PLAC8: variants seen among roughly 807,000 people sequenced by gnomAD.
PLAC8 encodes the protein placenta associated 8, also known as placenta-specific gene 8 protein.
A neutral mutation model predicts 12.6 loss-of-function variants in PLAC8; 6 were observed. That is an observed-to-expected ratio of 0.48 (90% CI 0.26 to 0.94). The LOEUF (loss-of-function observed/expected upper bound fraction) is 0.94. Among genes scored for constraint, PLAC8 ranks in the 40% least tolerant of loss-of-function variants. The pLI, the probability that PLAC8 is intolerant of heterozygous loss-of-function variation, is 0.14. For missense variants in PLAC8, 122 were observed against 152.7 expected (o/e 0.80, Z 1.06); for synonymous variants, 54 against 52.6 (o/e 1.03, Z -0.11).
intron 3 of PLAC8, among the ~76,000 whole-genome samples, chr4:83,098,069 G>T (rs1373621363): frequency 1.3e-5 from 2 of 152,068 alleles, no homozygotes; most frequent in Admixed American, 6.6e-5. Context: ...ATGTTGGCCA[G>T]GATTGTCCCA....
chr4:83,109,199 C>T (rs1435028584), intron 1 of PLAC8, among the ~76,000 whole-genome samples: 1 of 152,156 alleles, frequency 6.6e-6, no homozygotes, highest in Non-Finnish European at 1.5e-5. Flanking sequence ...TTCTGACCTA[C>T]CCACCTTACA....
intron 3 of PLAC8, among the ~76,000 whole-genome samples, chr4:83,096,450 A>G (rs1362816379): frequency 6.6e-6 from 1 of 152,264 alleles, no homozygotes; most frequent in Non-Finnish European, 1.5e-5. Flanking sequence ...CAAAATTTAA[A>G]TAAAAATTAA....
At chr4:83,100,281 A>G (rs1732063139) in intron 3 of PLAC8, among the ~76,000 whole-genome samples, 2 of 60,446 alleles carry the variant, frequency 3.3e-5, no homozygotes, top group African/African-American at 2.5e-4. Flanking sequence ...ACTCCATCTC[A>G]AAAAAAAAAA....
Position 83,094,670 on chromosome 4 carries a change from T to G in PLAC8, c.*9+8A>C. ...CATGTTCTGAGAGGCATGTTTGCAT[T>G]GACTCACCATCAGTTTTTAGAAAGT... On this transcript the variant is annotated splice_region_variant and intron_variant, in intron 4 of 4. Coordinates refer to ENST00000311507, the MANE Select transcript of PLAC8 (RefSeq NM_016619.3). The G allele has an allele frequency of 7.0e-7, 1 of 1,430,122 alleles. No individual in the cohort carries two copies. Among genetic ancestry groups the G allele is most frequent in the Non-Finnish European group, 9.8e-7 (1 of 1,022,476 alleles). 88.6% of individuals were successfully genotyped at this position (1,430,122 alleles called of 1,614,324 possible). A position where few individuals can be genotyped will look rare whatever the true frequency, so the allele number is the denominator to read the frequency against.
Position 83,104,950 on chromosome 4 carries a change from C to G in PLAC8, c.189G>C (p.Leu63=). Residue 63 remains leucine (L), a synonymous_variant, in exon 3 of 5, where the codon CTG becomes CTC. Coordinates refer to ENST00000311507, the MANE Select transcript of PLAC8 (RefSeq NM_016619.3). ...QVAADMNECC[L]CGTSVAMRTL... is the part of the protein sequence containing the mutation. ...TCCTCATTGCGACGCTTGTTCCACA[C>G]AGACAGCATTCATTCATATCAGCTG... is the stretch of plus-strand genomic sequence containing the variant. The G allele has an allele frequency of 4.3e-6, 7 of 1,614,120 alleles. No homozygotes were observed. Among genetic ancestry groups the G allele is most frequent in the East Asian group, 2.2e-5 (1 of 44,886 alleles).
chr4:83,097,430 T>C (rs1731967347), intron 3 of PLAC8, among the ~76,000 whole-genome samples: 1 of 152,182 alleles, frequency 6.6e-6, no homozygotes, highest in Non-Finnish European at 1.5e-5. Flanking sequence ...GTAAAATAAG[T>C]TGTCTTGAAA....
At chr4:83,112,524 G>A (rs1460615719) in intron 1 of PLAC8, among the ~76,000 whole-genome samples, 1 of 152,088 alleles carries the variant, frequency 6.6e-6, no homozygotes, top group Admixed American at 6.6e-5. Flanking sequence ...TACCTATATT[G>A]GTGGAGAAGT....
chr4:83,092,302 T>C (rs1731823283), intron 4 of PLAC8, among the ~76,000 whole-genome samples: 1 of 152,210 alleles, frequency 6.6e-6, no homozygotes, highest in Admixed American at 6.5e-5. Context: ...GTTGGAATGA[T>C]CTAACTCCCC....
intron 1 of PLAC8, among the ~76,000 whole-genome samples, chr4:83,113,845 C>T (rs1732476448): frequency 6.6e-6 from 1 of 152,050 alleles, no homozygotes; most frequent in African/African-American, 2.4e-5. Context: ...ATTTTAAACA[C>T]CTTAATTTTA....
chr4:83,095,826 G>GT (rs1731912619), intron 3 of PLAC8, among the ~76,000 whole-genome samples: 1 of 152,162 alleles, frequency 6.6e-6, no homozygotes. Context: ...TCGTTTCAGG[G>GT]TTTTGATAAA....
rs552081247 is a variant in PLAC8, at chr4:83,098,680, T to C, written c.244-3889A>G. Among the ~76,000 whole-genome samples the C allele has an allele frequency of 3.9e-5, 6 of 152,230 alleles. No homozygotes were observed. In the South Asian group the frequency reaches 1.2e-3, roughly 32 times the overall value. On this transcript the variant is annotated intron_variant, in intron 3 of 4. Coordinates refer to ENST00000311507, the MANE Select transcript of PLAC8 (RefSeq NM_016619.3). ...GAAGAGACAGATTCAGCTGGCTTCA[T>C]GCTATCTTCATTGAGTCTTGTTTGG...
chr4:83,097,765 A>G (rs1731979164), intron 3 of PLAC8, among the ~76,000 whole-genome samples: 1 of 152,138 alleles, frequency 6.6e-6, no homozygotes, highest in African/African-American at 2.4e-5. Context: ...TTTTACATAA[A>G]GGTGTGTAGG....
chr4:83,107,457 C>A (rs1309023062), intron 2 of PLAC8, among the ~76,000 whole-genome samples: 11 of 151,728 alleles, frequency 7.2e-5, no homozygotes, highest in Admixed American at 7.2e-4. Flanking sequence ...AAATCAAGTT[C>A]AACTTGGAAT....
intron 1 of PLAC8, among the ~76,000 whole-genome samples, chr4:83,114,345 G>T (rs1732484580): frequency 6.6e-6 from 1 of 152,194 alleles, no homozygotes; most frequent in Admixed American, 6.5e-5. Context: ...GAAATAAAGA[G>T]TGAAATTAAT....
intron 1 of PLAC8, among the ~76,000 whole-genome samples, 180 bp from the exon 2 acceptor site, chr4:83,108,130 T>A (rs1721243017): frequency 6.6e-6 from 1 of 150,412 alleles, no homozygotes; most frequent in Non-Finnish European, 1.5e-5. Context: ...GAACTTAAAG[T>A]ATAATAAAAT....
intron 3 of PLAC8, among the ~76,000 whole-genome samples, chr4:83,098,948 A>T (rs376983529): frequency 1.3e-5 from 2 of 152,280 alleles, no homozygotes. Flanking sequence ...AAAATCATAC[A>T]GGAAGCATTG....
At chr4:83,111,166 A>T (rs1001986185) in intron 1 of PLAC8, among the ~76,000 whole-genome samples, 3 of 152,158 alleles carry the variant, frequency 2.0e-5, no homozygotes, top group African/African-American at 7.2e-5. Flanking sequence ...TGGGGGTCTC[A>T]CTATGTTGCC....
At chr4:83,105,986 C>CT (rs1560455860) in intron 2 of PLAC8, among the ~76,000 whole-genome samples, 1 of 151,902 alleles carries the variant, frequency 6.6e-6, no homozygotes, top group Non-Finnish European at 1.5e-5. Context: ...GTGTGTAATT[C>CT]TTTTTTTATT....
intron 1 of PLAC8, among the ~76,000 whole-genome samples, chr4:83,110,571 A>T (rs887139000): frequency 1.3e-5 from 2 of 152,234 alleles, no homozygotes; most frequent in African/African-American, 4.8e-5. Context: ...GGAGGAGCTC[A>T]CTAGCGCCCC....
Sources: allele counts gnomAD v4.1 joint callset (sites outside exome capture counted in the v4.1 genomes callset), GRCh38; gene constraint gnomAD v4.1.1; transcripts MANE v1.5; gene names NCBI Gene and HGNC (gene_info 2026-07-23, HGNC 2026-07-21).